Variants in RPH3AL observed in about 807,000 individuals in gnomAD.
RPH3AL encodes the protein rabphilin 3A like (without C2 domains).
A neutral mutation model predicts 43.1 loss-of-function variants in RPH3AL; 38 were observed. The ratio of observed to expected loss-of-function variants is 0.88; its 90% CI spans 0.68 to 1.15. The LOEUF is 1.15. Ranked by LOEUF, RPH3AL falls within the 50% of genes most tolerant of loss-of-function variation. The pLI is 0.00. For synonymous variants in RPH3AL, 189 were observed against 176.3 expected (o/e 1.07, Z -0.57); for missense variants, 462 against 423.2 (o/e 1.09, Z -0.81).
At chr17:326,411 A>T (rs1311657027) in intron 3 of RPH3AL, among the ~76,000 whole-genome samples, 1 of 152,172 alleles carries the variant, frequency 6.6e-6, no homozygotes, top group Admixed American at 6.5e-5. Context: ...GGGTTGAAGG[A>T]TGAAGGGGCC....
chr17:252,964 G>A (rs1367974748), intron 6 of RPH3AL, among the ~76,000 whole-genome samples: 1 of 152,178 alleles, frequency 6.6e-6, no homozygotes, highest in Non-Finnish European at 1.5e-5. Context: ...GTGTTTGGAT[G>A]ATGACATAGA....
chr17:311,625 T>A (rs906515970), intron 5 of RPH3AL, among the ~76,000 whole-genome samples: 4 of 152,200 alleles, frequency 2.6e-5, no homozygotes, highest in Non-Finnish European at 5.9e-5. Context: ...CAGGATTGGC[T>A]CACAATGGGC....
At position 264,808 on chromosome 17, in the gene RPH3AL, A is replaced by G. The variant is rs1389980096; in HGVS notation, c.438+16960T>C. Among the ~76,000 whole-genome samples, 1 of 152,176 alleles carries G rather than the reference A, an allele frequency of 6.6e-6. No individual in the cohort carries two copies. Among genetic ancestry groups the G allele is most frequent in the Non-Finnish European group, 1.5e-5 (1 of 68,038 alleles). On this transcript the variant is annotated intron_variant, in intron 6 of 9. Transcript: ENST00000331302. The surrounding 1 kb of genome is among the most constrained non-coding windows in gnomAD (Gnocchi z 4.8). ...AGGTATATCACAGCTCAGGTGACCA[A>G]TGGTTGAAGTGAAATAAACATCTCA...
chr17:292,585 G>C (rs981916559), intron 5 of RPH3AL, among the ~76,000 whole-genome samples: 1 of 152,148 alleles, frequency 6.6e-6, no homozygotes. Flanking sequence ...TTCAGTCTGA[G>C]CCTCGGTCCC....
chr17:281,575 T>C (rs983229077), intron 6 of RPH3AL, among the ~76,000 whole-genome samples, 193 bp downstream of exon 6: 3 of 151,740 alleles, frequency 2.0e-5, no homozygotes, highest in South Asian at 2.1e-4. Context: ...CCTCCGTGCT[T>C]TTCTCCGCCG....
chr17:225,000 A>T, intron 7 of RPH3AL, among the ~76,000 whole-genome samples: 1 of 151,632 alleles, frequency 6.6e-6, no homozygotes, highest in East Asian at 1.9e-4. Context: ...GCGTTAGGAG[A>T]TATACCTAAT....
Position 290,211 on chromosome 17 carries a change from G to A in RPH3AL, c.352-8357C>T, listed in dbSNP as rs149526090. 1.9e-3 allele frequency among the ~76,000 whole-genome samples: 286 copies of A among 152,368 alleles called. 3 individuals are homozygous for A. Among genetic ancestry groups the A allele is most frequent in the East Asian group, 0.013 (69 of 5,188 alleles). Reference sequence around the variant, plus strand: ...GCGACACGAGGCAGGGTCCAATCACGTCCACATTGAGTGATGCTGACCAGC... The same window carrying A: ...GCGACACGAGGCAGGGTCCAATCACATCCACATTGAGTGATGCTGACCAGC... On this transcript the variant is annotated intron_variant, in intron 5 of 9. Coordinates refer to ENST00000331302, the MANE Select transcript of RPH3AL (RefSeq NM_006987.4). This position sits in a 1 kb window ranked among gnomAD's most constrained non-coding sequence, Gnocchi z 4.2.
At chr17:272,249 T>G (rs1054190758) in intron 6 of RPH3AL, among the ~76,000 whole-genome samples, 8 of 152,142 alleles carry the variant, frequency 5.3e-5, no homozygotes, top group Non-Finnish European at 1.0e-4. Context: ...GCCATCCCAT[T>G]ACTGGGTATA....
At chr17:336,816 C>T (rs1335355802) in intron 1 of RPH3AL, among the ~76,000 whole-genome samples, 1 of 152,174 alleles carries the variant, frequency 6.6e-6, no homozygotes, top group Non-Finnish European at 1.5e-5. Context: ...GGCATTGCAG[C>T]CGCCCAGCCT....
chr17:237,608 T>C (rs2041428940), intron 7 of RPH3AL, among the ~76,000 whole-genome samples: 1 of 152,062 alleles, frequency 6.6e-6, no homozygotes, highest in Non-Finnish European at 1.5e-5. Flanking sequence ...GAGGAGGAAA[T>C]GGGTATTTAC....
chr17:307,187 G>A lies in RPH3AL; in HGVS notation c.351+12233C>T, dbSNP rs1378876402. ...GCCCATCCCACGGCAGATCCTCCCC[G>A]CGGCAGGTCCTCCCCACGGCAGGTC... On this transcript the variant is annotated intron_variant, in intron 5 of 9. Transcript: ENST00000331302. 4.7e-5 allele frequency among the ~76,000 whole-genome samples: 5 copies of A among 106,832 alleles called. No individual in the cohort carries two copies. The South Asian group carries it at 1.4e-3, about 31-fold the overall frequency. 70.1% of individuals were successfully genotyped at this position (106,832 alleles called of 152,430 possible).
At chr17:214,941 A>C (rs954693150) in intron 9 of RPH3AL, among the ~76,000 whole-genome samples, 8 of 152,074 alleles carry the variant, frequency 5.3e-5, no homozygotes, top group Non-Finnish European at 1.5e-5. Flanking sequence ...TCCACAGCCA[A>C]AGATGCCTCC....
chr17:314,245 ACAGGC>A (rs1314547799), intron 5 of RPH3AL, among the ~76,000 whole-genome samples: 1 of 152,018 alleles, frequency 6.6e-6, no homozygotes, highest in Non-Finnish European at 1.5e-5. Flanking sequence ...AATATTTACC[ACAGGC>A]CAGGCTCTGT....
At chr17:217,280 C>T (rs878986688) in intron 8 of RPH3AL, among the ~76,000 whole-genome samples, 1 of 118,442 alleles carries the variant, frequency 8.4e-6, no homozygotes, top group African/African-American at 3.0e-5. Flanking sequence ...AAATTGGCCT[C>T]GCTGAAATCA....
chr17:236,421 C>T (rs1340675097), intron 7 of RPH3AL, among the ~76,000 whole-genome samples: 2 of 152,104 alleles, frequency 1.3e-5, no homozygotes, highest in Non-Finnish European at 2.9e-5. Flanking sequence ...TAGCTGGCCA[C>T]GCCATCCGTT....
intron 7 of RPH3AL, among the ~76,000 whole-genome samples, chr17:237,652 A>G (rs2041430301): frequency 6.6e-6 from 1 of 152,240 alleles, no homozygotes; most frequent in South Asian, 2.1e-4. Flanking sequence ...GGTGCTGGGC[A>G]AAGTGGAGAG....
intron 7 of RPH3AL, among the ~76,000 whole-genome samples, chr17:232,877 TG>T (rs2041264033): frequency 7.0e-6 from 1 of 143,618 alleles, no homozygotes; most frequent in Admixed American, 7.0e-5. Context: ...TGTGTGTGTG[TG>T]TGTGTGTGTT....
chr17:277,792 C>T (rs1402497318), intron 6 of RPH3AL, among the ~76,000 whole-genome samples: 1 of 151,840 alleles, frequency 6.6e-6, no homozygotes, highest in Non-Finnish European at 1.5e-5. Flanking sequence ...CCCGTCTCTA[C>T]AAAAATGCAA....
rs2041094111 is a variant in RPH3AL, at chr17:225,787, G to C, written c.614-6051C>G. On this transcript the variant is annotated intron_variant, in intron 7 of 9. Transcript: ENST00000331302. This position sits in a 1 kb window ranked among gnomAD's most constrained non-coding sequence, Gnocchi z 4.4. ...CTACACAGTCTGGGGCTGGCGGTGG[G>C]CACGGGGCTCCGTGGTGTCACACAG... 6.6e-6 allele frequency among the ~76,000 whole-genome samples: 1 copy of C among 152,224 alleles called. No individual in the cohort carries two copies. The highest frequency in any genetic ancestry group is 1.5e-5 in the Non-Finnish European group (1 of 68,042).
Sources: allele counts gnomAD v4.1 joint callset (sites outside exome capture counted in the v4.1 genomes callset), GRCh38; gene constraint gnomAD v4.1.1; non-coding constraint Gnocchi (gnomAD v3.1); transcripts MANE v1.5; gene names NCBI Gene and HGNC (gene_info 2026-07-23, HGNC 2026-07-21).